Variants in GNAI1 observed in about 807,000 individuals in gnomAD.
GNAI1 encodes the protein G protein subunit alpha i1, also known as guanine nucleotide-binding protein G(i) subunit alpha-1.
Under a neutral mutation model 38.9 loss-of-function variants are expected in GNAI1, and 11 were observed. The observed-to-expected ratio is 0.28, with a 90% confidence interval of 0.18 to 0.47. The LOEUF is 0.47. Among genes scored for constraint, GNAI1 ranks in the 20% least tolerant of loss-of-function variants. The probability of loss-of-function intolerance (pLI) is 0.99; values close to 1 mark genes in which losing one functional copy is unlikely to be tolerated. For synonymous variants in GNAI1, 166 were observed against 145.1 expected (o/e 1.14, Z -1.04); for missense variants, 317 against 436.9 (o/e 0.73, Z 2.45).
intron 3 of GNAI1, among the ~76,000 whole-genome samples, chr7:80,191,104 A>T (rs1423785824): frequency 6.6e-6 from 1 of 150,720 alleles, no homozygotes; most frequent in Non-Finnish European, 1.5e-5. Flanking sequence ...TTAGACTATT[A>T]CTTCTGTTTG....
At chr7:80,180,349 G>A (rs565673624) in intron 1 of GNAI1, among the ~76,000 whole-genome samples, 84 of 139,602 alleles carry the variant, frequency 6.0e-4, no homozygotes, top group East Asian at 6.5e-4. Flanking sequence ...GTGTGTGTGT[G>A]TATATAAAGT....
In GNAI1 at chr7:80,164,372, T is replaced by C. The variant is rs531806011; in HGVS notation, c.119-24579T>C. Among the ~76,000 whole-genome samples the C allele has an allele frequency of 4.7e-5, 7 of 150,500 alleles. No individual in the cohort carries two copies. The South Asian group carries it at 1.5e-3, about 32-fold the overall frequency. On this transcript the variant is annotated intron_variant, in intron 1 of 7. Transcript: ENST00000649796. ...TTTTTTTCTTGCTTTCCTTTTTTTC[T>C]TTTTTTTTGAGACGGAGTCTTGCTC...
chr7:80,144,112 A>G (rs1376794359), intron 1 of GNAI1, among the ~76,000 whole-genome samples: 4 of 152,186 alleles, frequency 2.6e-5, no homozygotes, highest in South Asian at 4.1e-4. Flanking sequence ...GTGCTGTGTT[A>G]AGAATTCTAT....
At chr7:80,143,081 C>A (rs1298366366) in intron 1 of GNAI1, among the ~76,000 whole-genome samples, 2 of 152,168 alleles carry the variant, frequency 1.3e-5, no homozygotes, top group Non-Finnish European at 2.9e-5. Context: ...CAGAGGCTCA[C>A]CAGCAGACTG....
intron 7 of GNAI1, 66 bp from the exon 8 acceptor site, chr7:80,217,237 A>ACTTCAGGTTC: frequency 9.6e-7 from 1 of 1,037,960 alleles, no homozygotes; most frequent in Non-Finnish European, 1.4e-6. Context: ...TATGAAACTG[A>ACTTCAGGTTC]ATTCAGTATT....
intron 1 of GNAI1, among the ~76,000 whole-genome samples, chr7:80,167,868 C>G (rs1326716545): frequency 6.6e-6 from 1 of 152,156 alleles, no homozygotes; most frequent in African/African-American, 2.4e-5. Context: ...CAAAAAAAGT[C>G]TTTGTGTTTA....
intron 1 of GNAI1, among the ~76,000 whole-genome samples, chr7:80,149,712 T>G (rs191971098): frequency 2.6e-5 from 4 of 152,310 alleles, no homozygotes; most frequent in Admixed American, 1.3e-4. Context: ...TTGATTTTGT[T>G]ATTTTTTCAC....
intron 4 of GNAI1, among the ~76,000 whole-genome samples, chr7:80,200,925 C>T (rs1350531763): frequency 6.6e-6 from 1 of 152,090 alleles, no homozygotes; most frequent in African/African-American, 2.4e-5. Context: ...GTTTTAGGTA[C>T]TCCTAATGTA....
In GNAI1 at chr7:80,199,389, A is replaced by T; in HGVS notation, c.461+7A>T. 6.3e-7 allele frequency: 1 copy of T among 1,579,442 alleles called. No homozygotes were observed. The highest frequency in any genetic ancestry group is 8.6e-7 in the Non-Finnish European group (1 of 1,158,694). ...TTAATGATTCTGCAGCATAGTAAGT[A>T]ATCATAACTTCAGAACTAAACTATC... On this transcript the variant is annotated splice_region_variant and intron_variant, in intron 4 of 7. Coordinates refer to ENST00000649796, the MANE Select transcript of GNAI1 (RefSeq NM_002069.6).
In GNAI1 at chr7:80,201,506, C is replaced by T. The variant is rs564259059; in HGVS notation, c.461+2124C>T. Among the ~76,000 whole-genome samples the T allele has an allele frequency of 6.6e-5, 10 of 152,164 alleles. No individual in the cohort carries two copies. In the South Asian group the frequency reaches 2.1e-3, roughly 32 times the overall value. On this transcript the variant is annotated intron_variant, in intron 4 of 7. Coordinates refer to ENST00000649796, the MANE Select transcript of GNAI1 (RefSeq NM_002069.6). ...GGCTGAGGTGAGAGGATCGCTTGAGCCCAGGAATTCCAGACCATCCTGGCC... is the reference window on the plus strand; with the variant it reads ...GGCTGAGGTGAGAGGATCGCTTGAGTCCAGGAATTCCAGACCATCCTGGCC...
At chr7:80,146,118 A>T (rs1787617009) in intron 1 of GNAI1, among the ~76,000 whole-genome samples, 1 of 152,140 alleles carries the variant, frequency 6.6e-6, no homozygotes, top group Non-Finnish European at 1.5e-5. Context: ...TTCTTAACCC[A>T]AACAGGCCCC....
intron 1 of GNAI1, among the ~76,000 whole-genome samples, chr7:80,137,307 C>CTTTTTTTTTTTTTTTTTTTTTTTTTT (rs1787435379): frequency 1.6e-5 from 1 of 61,208 alleles, no homozygotes; most frequent in East Asian, 3.5e-4. Flanking sequence ...TTTTTTTTTT[C>CTTTTTTTTTTTTTTTTTTTTTTTTTT]TTTTCTTTTC....
At chr7:80,141,830 T>C (rs934728071) in intron 1 of GNAI1, among the ~76,000 whole-genome samples, 1 of 152,214 alleles carries the variant, frequency 6.6e-6, no homozygotes, top group Non-Finnish European at 1.5e-5. Flanking sequence ...GGTTCATAGC[T>C]TACAAGGTCT....
At chr7:80,192,890 G>T (rs1225185462) in intron 3 of GNAI1, among the ~76,000 whole-genome samples, 2 of 151,902 alleles carry the variant, frequency 1.3e-5, no homozygotes, top group Non-Finnish European at 2.9e-5. Context: ...GTAGAGACGG[G>T]GTTTCACCTT....
rs1295408353 is a variant in GNAI1 at position 80,223,247 on chromosome 7, T to A, written c.*5754T>A. Among the ~76,000 whole-genome samples, 1 of 152,242 alleles carries A rather than the reference T, an allele frequency of 6.6e-6. No individual in the cohort carries two copies. The highest frequency in any genetic ancestry group is 2.1e-4 in the South Asian group (1 of 4,828). On this transcript the variant is annotated 3_prime_UTR_variant, in exon 8 of 8. Coordinates refer to ENST00000649796, the MANE Select transcript of GNAI1 (RefSeq NM_002069.6). ...TGCAGTGTCTATGGAGGGATTCTTATAATTAATTTTATTCCTGTGCAAACA... is the reference window on the plus strand; with the variant it reads ...TGCAGTGTCTATGGAGGGATTCTTAAAATTAATTTTATTCCTGTGCAAACA...
In GNAI1 at chr7:80,210,889, C is replaced by T. The variant is rs1263376686; in HGVS notation, c.591-80C>T. 5 of 1,237,534 alleles carry T rather than the reference C, an allele frequency of 4.0e-6. No homozygotes were observed. In the South Asian group the frequency reaches 5.4e-5, roughly 13 times the overall value. 76.7% of individuals were successfully genotyped at this position (1,237,534 alleles called of 1,614,324 possible). ...CAGACATTTCCACAACTATTCAGAG[C>T]TTTTTTTGTTAGCATTAAAGAACTT... is the stretch of plus-strand genomic sequence containing the variant. On this transcript the variant is annotated intron_variant, in intron 5 of 7. Transcript: ENST00000649796.
chr7:80,153,345 G>C (rs1787761480), intron 1 of GNAI1, among the ~76,000 whole-genome samples: 1 of 152,060 alleles, frequency 6.6e-6, no homozygotes, highest in Non-Finnish European at 1.5e-5. Flanking sequence ...TTAAAAATTA[G>C]TAAGCTGTAG....
chr7:80,192,752 G>A (rs1788504260), intron 3 of GNAI1, among the ~76,000 whole-genome samples: 1 of 152,062 alleles, frequency 6.6e-6, no homozygotes, highest in Non-Finnish European at 1.5e-5. Context: ...CTTCAGTGCA[G>A]GAGCATGATC....
chr7:80,137,293 C>CTTTTCTTTTCTTTTTTTTTTTTTTTT (rs1787432808), intron 1 of GNAI1, among the ~76,000 whole-genome samples: 2 of 95,262 alleles, frequency 2.1e-5, no homozygotes, highest in African/African-American at 4.1e-5. Context: ...TTTCTTTTTT[C>CTTTTCTTTTCTTTTTTTTTTTTTTTT]TTTTTTTTTT....
Sources: gnomAD v4.1 joint callset for allele counts (sites outside exome capture counted in the v4.1 genomes callset) on GRCh38, gnomAD v4.1.1 for gene constraint, MANE v1.5 for transcripts, NCBI Gene and HGNC (gene_info 2026-07-23, HGNC 2026-07-21) for gene names.